Variants in SMCO2 observed in about 807,000 individuals in gnomAD.
The protein encoded by SMCO2 is single-pass membrane and coiled-coil domain-containing protein 2.
Under a neutral mutation model 29.5 loss-of-function variants are expected in SMCO2, and 25 were observed. The ratio of observed to expected loss-of-function variants is 0.85; its 90% confidence interval spans 0.62 to 1.18. The LOEUF (loss-of-function observed/expected upper bound fraction) is 1.18. Among genes scored for constraint, SMCO2 ranks in the 50% most tolerant of loss-of-function variants. The probability of loss-of-function intolerance (pLI) is 0.00; values close to 1 mark genes in which losing one functional copy is unlikely to be tolerated. For synonymous variants in SMCO2, 117 were observed against 123.3 expected, an observed-to-expected ratio of 0.95 and a Z score of 0.34; for missense variants, 348 against 344.5, an observed-to-expected ratio of 1.01 and a Z score of -0.08.
intron 4 of SMCO2, among the ~76,000 whole-genome samples, chr12:27,479,497 A>G (rs1377683774): frequency 2.0e-5 from 3 of 152,218 alleles, no homozygotes; most frequent in East Asian, 3.9e-4. Flanking sequence ...CCAATAGGAT[A>G]TATCCATATC....
intron 7 of SMCO2, among the ~76,000 whole-genome samples, chr12:27,498,849 A>T (rs1301944563): frequency 6.9e-6 from 1 of 145,084 alleles, no homozygotes; most frequent in Non-Finnish European, 1.5e-5. Flanking sequence ...ATTGGTCATT[A>T]AAAAAAACGT....
chr12:27,501,415 C>CAAAAA (rs540673188), intron 7 of SMCO2, among the ~76,000 whole-genome samples: 114 of 85,804 alleles, frequency 1.3e-3, no homozygotes, highest in African/African-American at 3.8e-3. Flanking sequence ...GACTCCGTCT[C>CAAAAA]AAAAAAAAAA....
intron 4 of SMCO2, among the ~76,000 whole-genome samples, chr12:27,478,935 T>A (rs1467865785): frequency 6.6e-6 from 1 of 152,206 alleles, no homozygotes; most frequent in Non-Finnish European, 1.5e-5. Flanking sequence ...GGACCTGTCC[T>A]CAGGCCCTCA....
the SMCO2 span, among the ~76,000 whole-genome samples, chr12:27,437,610 A>G: frequency 6.6e-6 from 1 of 152,058 alleles, no homozygotes; most frequent in Non-Finnish European, 1.5e-5. Flanking sequence ...TTCAGCTCAC[A>G]TTGTTAAATA....
rs1334537645 is a variant in SMCO2, at chr12:27,472,874, A to G, written c.233A>G (p.Lys78Arg). ...AACCCTCAAACTGACTTCCTTCACA[A>G]GGTAGACACTGAAAAATGGGTAAGA... is the stretch of plus-strand genomic sequence containing the variant. The change falls in exon 3 of 8, where the codon AAG (lysine) becomes AGG (arginine). Residue 78 changes from lysine to arginine, a missense_variant and splice_region_variant. Lys to Arg is a conservative substitution (Grantham distance 26). Coordinates refer to ENST00000298876, the Ensembl canonical transcript of SMCO2. The G allele has an allele frequency of 5.8e-6, 9 of 1,549,344 alleles. No individual in the cohort carries two copies. The South Asian group carries it at 9.5e-5, about 16-fold the overall frequency.
At chr12:27,432,053 T>A in the SMCO2 span, among the ~76,000 whole-genome samples, 3 of 152,176 alleles carry the variant, frequency 2.0e-5, no homozygotes, top group Admixed American at 6.6e-5. Flanking sequence ...GTCTTTTCGA[T>A]GTTTGTTGGC....
At chr12:27,455,483 A>T in the SMCO2 span, among the ~76,000 whole-genome samples, 1 of 152,346 alleles carries the variant, frequency 6.6e-6, no homozygotes, top group Admixed American at 6.5e-5. Context: ...TTTCAGAAGA[A>T]CACAGTTTAT....
At chr12:27,466,435 AG>A (rs1490829149), upstream of SMCO2, among the ~76,000 whole-genome samples, 1 of 152,214 alleles carries the variant, frequency 6.6e-6, no homozygotes, top group Non-Finnish European at 1.5e-5. Flanking sequence ...AAATAAAAAA[AG>A]GAAGATCAAA....
At chr12:27,438,783 C>A in the SMCO2 span, among the ~76,000 whole-genome samples, 2 of 147,574 alleles carry the variant, frequency 1.4e-5, no homozygotes, top group African/African-American at 5.0e-5. Flanking sequence ...CCATTTCCCC[C>A]ACAAAAAAAC....
intron 1 of SMCO2, 71 bp from the exon 2 acceptor site, chr12:27,470,551 G>C: frequency 6.7e-7 from 1 of 1,488,092 alleles, no homozygotes; most frequent in South Asian, 1.3e-5. Flanking sequence ...AGTTAGTCTG[G>C]TGTCAATGAA....
intron 3 of SMCO2, chr12:27,473,080 C>A (rs910517402): frequency 7.1e-5 from 34 of 481,962 alleles, no homozygotes; most frequent in Non-Finnish European, 1.2e-4. Flanking sequence ...ACATGAAGGA[C>A]TTACTAGCCT....
chr12:27,464,502 A>C (rs1949481874), upstream of SMCO2, among the ~76,000 whole-genome samples: 1 of 151,994 alleles, frequency 6.6e-6, no homozygotes, highest in Non-Finnish European at 1.5e-5. Flanking sequence ...TGAGCCTAGG[A>C]GTTCGAGACC....
chr12:27,470,664 A>C lies in SMCO2; in HGVS notation c.33A>C (p.Lys11Asn), dbSNP rs936424699. 2.6e-6 allele frequency: 4 copies of C among 1,551,114 alleles called. No individual in the cohort carries two copies. The African/African-American group carries it at 5.5e-5, about 21-fold the overall frequency. ...TCACGCCCACAAACCTAAATAACAA[A>C]ATGTCTCTGCAGATGAAGATGGACT... Residue 11 changes from lysine (K) to asparagine (N), a missense_variant, in exon 2 of 8, where the codon AAA becomes AAC. By Grantham distance (94) the Lys-to-Asn change is moderately conservative. Coordinates refer to ENST00000298876, the Ensembl canonical transcript of SMCO2.
At chr12:27,495,685 T>C in exon 7 of SMCO2, 10 of 1,470,120 alleles carry the variant, frequency 6.8e-6, no homozygotes, top group Non-Finnish European at 9.1e-6. Flanking sequence ...TTCAGGACCT[T>C]TGCAAGAATG....
chr12:27,476,297 A>G (rs1036094004), intron 4 of SMCO2, among the ~76,000 whole-genome samples: 12 of 152,342 alleles, frequency 7.9e-5, no homozygotes, highest in Non-Finnish European at 1.8e-4. Flanking sequence ...TATCCCAGAG[A>G]ATGTTCCTCG....
rs925263260 is a variant in SMCO2, at chr12:27,499,159, A to C, written c.684-2764A>C. On this transcript the variant is annotated intron_variant, in intron 7 of 7. Coordinates refer to ENST00000298876, the Ensembl canonical transcript of SMCO2. ...ACAAATGTTCATGGCAGCATTATTC[A>C]TAATAGCCAAAAAGTAGAAACAATC... 2.7e-5 allele frequency among the ~76,000 whole-genome samples: 4 copies of C among 150,888 alleles called. 1 individual carries two copies. The highest frequency in any genetic ancestry group is 2.6e-4 in the Admixed American group (4 of 15,200).
At position 27,477,209 on chromosome 12, in the gene SMCO2, G is replaced by GT. The variant is rs1565676380; in HGVS notation, c.362+2296_362+2297insT. ...CTGGGTATAGTATTCTTGGCTGTCA[G>GT]GTTTTTTTTTTTTTTTTTTTTTTTT... is the stretch of plus-strand genomic sequence containing the variant. On this transcript the variant is annotated intron_variant, in intron 4 of 7. Transcript: ENST00000298876. 2.9e-4 allele frequency among the ~76,000 whole-genome samples: 39 copies of GT among 134,056 alleles called. 1 individual carries two copies. Among genetic ancestry groups the GT allele is most frequent in the African/African-American group, 9.8e-4 (36 of 36,616 alleles). 87.9% of individuals were successfully genotyped at this position (134,056 alleles called of 152,430 possible).
At chr12:27,485,888 T>C (rs1328479333) in intron 4 of SMCO2, among the ~76,000 whole-genome samples, 1 of 152,232 alleles carries the variant, frequency 6.6e-6, no homozygotes, top group Non-Finnish European at 1.5e-5. Context: ...TTTTGAGCTT[T>C]GTTCTGGAAC....
the SMCO2 span, among the ~76,000 whole-genome samples, chr12:27,458,744 G>A: frequency 3.9e-5 from 6 of 152,044 alleles, no homozygotes; most frequent in South Asian, 4.2e-4. Context: ...AAAATTAGCC[G>A]GGCATGGTGG....
Sources: gnomAD v4.1 joint callset for allele counts (sites outside exome capture counted in the v4.1 genomes callset) on GRCh38, gnomAD v4.1.1 for gene constraint, MANE v1.5 for transcripts, NCBI Gene and HGNC (gene_info 2026-07-23, HGNC 2026-07-21) for gene names.